Variants in GRIN2B observed in about 807,000 individuals in gnomAD.
GRIN2B encodes the protein glutamate ionotropic receptor NMDA type subunit 2B, also known as glutamate receptor ionotropic, NMDA 2B.
GRIN2B carries 5 observed loss-of-function variants against 114.5 expected under a neutral mutation model. The ratio of observed to expected loss-of-function variants is 0.04; its 90% CI spans 0.02 to 0.09. GRIN2B has a LOEUF of 0.09. Among genes scored for constraint, GRIN2B ranks in the 10% least tolerant of loss-of-function variants. The probability of loss-of-function intolerance (pLI) is 1.00; values close to 1 mark genes in which losing one functional copy is unlikely to be tolerated. For synonymous variants in GRIN2B, 787 were observed against 745.1 expected, an observed-to-expected ratio of 1.06 and a Z score of -0.92; for missense variants, 1,108 against 1,943.5, an observed-to-expected ratio of 0.57 and a Z score of 8.08.
chr12:13,588,369 T>C (rs1258195163), intron 10 of GRIN2B, among the ~76,000 whole-genome samples: 1 of 152,184 alleles, frequency 6.6e-6, no homozygotes, highest in Non-Finnish European at 1.5e-5. Flanking sequence ...GGGCAACTTA[T>C]TAAACACACA....
At chr12:13,741,801 C>A (rs1863292056) in intron 4 of GRIN2B, among the ~76,000 whole-genome samples, 1 of 152,112 alleles carries the variant, frequency 6.6e-6, no homozygotes, top group South Asian at 2.1e-4. Context: ...CCTGCCTCAG[C>A]CTCCCAAAGT....
chr12:13,818,700 A>C (rs1442154455), intron 3 of GRIN2B, among the ~76,000 whole-genome samples: 2 of 152,244 alleles, frequency 1.3e-5, no homozygotes, highest in Admixed American at 1.3e-4. Flanking sequence ...CATTCTCTTA[A>C]GATTACTAGC....
chr12:13,835,724 G>C (rs1404149327), intron 3 of GRIN2B, among the ~76,000 whole-genome samples: 1 of 146,276 alleles, frequency 6.8e-6, no homozygotes, highest in Non-Finnish European at 1.5e-5. Context: ...GGCAGGGATG[G>C]ATGTAAAGAG....
chr12:13,673,349 G>A (rs986203039), intron 5 of GRIN2B, among the ~76,000 whole-genome samples: 20 of 152,130 alleles, frequency 1.3e-4, no homozygotes, highest in African/African-American at 4.1e-4. Flanking sequence ...TCATGAGGAG[G>A]AGAATAAAGG....
At position 13,947,102 on chromosome 12, in the gene GRIN2B, T is replaced by C. The variant is rs117470985; in HGVS notation, c.-19+32826A>G. Among the ~76,000 whole-genome samples the C allele has an allele frequency of 3.2e-4, 48 of 152,316 alleles. 1 individual carries two copies. In the East Asian group the frequency reaches 8.9e-3, roughly 28 times the overall value. The stretch of plus-strand genomic sequence containing the variant: ...CTGATAATCTGAACATTAAGTCCTT[T>C]AAAATGATCCATGCCTTCATACTGC... On this transcript the variant is annotated intron_variant, in intron 2 of 13. Transcript: ENST00000609686.
intron 2 of GRIN2B, among the ~76,000 whole-genome samples, chr12:13,906,641 A>G (rs1265866214): frequency 6.6e-6 from 1 of 152,228 alleles, no homozygotes; most frequent in Non-Finnish European, 1.5e-5. Flanking sequence ...GACAAAATCA[A>G]TTCCATTTTG....
chr12:13,757,779 T>TGTGG (rs1863604339), intron 3 of GRIN2B, among the ~76,000 whole-genome samples: 1 of 152,160 alleles, frequency 6.6e-6, no homozygotes, highest in African/African-American at 2.4e-5. Flanking sequence ...AGAACCATAA[T>TGTGG]GTGGGGCCCC....
chr12:13,931,091 A>G (rs1162342640), intron 2 of GRIN2B, among the ~76,000 whole-genome samples: 1 of 152,236 alleles, frequency 6.6e-6, no homozygotes, highest in Non-Finnish European at 1.5e-5. Context: ...ATTACCTAGA[A>G]GCACTTGAGG....
At chr12:13,772,073 T>C (rs972923773) in intron 3 of GRIN2B, among the ~76,000 whole-genome samples, 6 of 152,358 alleles carry the variant, frequency 3.9e-5, no homozygotes, top group African/African-American at 1.2e-4. Context: ...CTTCTTACTA[T>C]ATAGTCAGAT....
chr12:13,585,484 A>C (rs1252379879), intron 10 of GRIN2B, among the ~76,000 whole-genome samples: 1 of 152,052 alleles, frequency 6.6e-6, no homozygotes, highest in East Asian at 1.9e-4. Context: ...TGCGAGGGAC[A>C]CTCCGGTTTA....
chr12:13,813,945 A>G (rs1277310793), intron 3 of GRIN2B, among the ~76,000 whole-genome samples: 2 of 152,202 alleles, frequency 1.3e-5, no homozygotes, highest in Non-Finnish European at 2.9e-5. Flanking sequence ...TTCTGTGCAC[A>G]TGTATTCTCA....
rs561241183 is a variant in GRIN2B, at chr12:13,546,487, G to A, written c.*16296C>T. On this transcript the variant is annotated 3_prime_UTR_variant, in exon 14 of 14. Coordinates refer to ENST00000609686, the MANE Select transcript of GRIN2B (RefSeq NM_000834.5). Reference sequence around the variant, plus strand: ...AGAGCATCTGGATGTGGGTGTCATCGTCTCTTCACCACCAAACCATTCTAC... The same window carrying A: ...AGAGCATCTGGATGTGGGTGTCATCATCTCTTCACCACCAAACCATTCTAC... 1.3e-5 allele frequency: 2 copies of A among 152,262 alleles called. No homozygotes were observed. Among genetic ancestry groups the A allele is most frequent in the African/African-American group, 4.8e-5 (2 of 41,536 alleles). The allele number at this position is 152,262 out of a possible 1,614,324, so 9.4% of individuals were successfully genotyped here.
At chr12:13,699,542 A>T (rs1950291534) in intron 4 of GRIN2B, among the ~76,000 whole-genome samples, 1 of 152,078 alleles carries the variant, frequency 6.6e-6, no homozygotes, top group African/African-American at 2.4e-5. Context: ...TAAAAAAGTG[A>T]CTTTTCTAGC....
chr12:13,980,653 G>T (rs1024623552), intron 1 of GRIN2B, among the ~76,000 whole-genome samples: 6 of 151,974 alleles, frequency 3.9e-5, no homozygotes, highest in African/African-American at 7.3e-5. Context: ...GAAGGAAGGA[G>T]GAAGGGGGGG....
chr12:13,665,354 A>G (rs1330639248), intron 5 of GRIN2B, among the ~76,000 whole-genome samples: 1 of 151,930 alleles, frequency 6.6e-6, no homozygotes, highest in Non-Finnish European at 1.5e-5. Flanking sequence ...CAGCCTCCAC[A>G]CCTCCAGCTC....
intron 12 of GRIN2B, among the ~76,000 whole-genome samples, chr12:13,569,305 T>C (rs868327671): frequency 6.6e-6 from 1 of 152,292 alleles, no homozygotes. Context: ...AATAGAGTCA[T>C]TGCAAACATA....
chr12:13,852,825 G>A (rs1187894753), intron 3 of GRIN2B, among the ~76,000 whole-genome samples: 1 of 151,794 alleles, frequency 6.6e-6, no homozygotes, highest in African/African-American at 2.4e-5. Flanking sequence ...GCCGCCATCT[G>A]AAAAGACACT....
intron 2 of GRIN2B, among the ~76,000 whole-genome samples, chr12:13,964,536 C>T (rs958182341): frequency 4.6e-5 from 7 of 152,154 alleles, no homozygotes; most frequent in Admixed American, 1.3e-4. Flanking sequence ...GAATATTTGC[C>T]AGGGTGTGCC....
In GRIN2B at chr12:13,563,805, G is replaced by A. The variant is rs758094582; in HGVS notation, c.3433C>T (p.His1145Tyr). ...TCGGTCAGGTCTACGTGCTCCCAGT[G>A]GGGTGAGTTCTCCTTTGTTCGGAAC... ...DQFRTKENSP[H>Y]WEHVDLTDIY... is the part of the protein sequence containing the mutation. The change falls in exon 14 of 14, where the codon CAC becomes TAC. Residue 1145 changes from histidine to tyrosine, a missense_variant. Transcript: ENST00000609686. 6 of 1,613,502 alleles carry A rather than the reference G, an allele frequency of 3.7e-6. No individual in the cohort carries two copies. The African/African-American group carries it at 6.7e-5, about 18-fold the overall frequency.
Sources: allele counts gnomAD v4.1 joint callset (sites outside exome capture counted in the v4.1 genomes callset), GRCh38; gene constraint gnomAD v4.1.1; transcripts MANE v1.5; gene names NCBI Gene and HGNC (gene_info 2026-07-23, HGNC 2026-07-21).